IL1RAPL2: variants seen among roughly 807,000 people sequenced by gnomAD.
The protein encoded by IL1RAPL2 is interleukin 1 receptor accessory protein like 2, also known as X-linked interleukin-1 receptor accessory protein-like 2.
In IL1RAPL2, 3 loss-of-function variants were observed where a neutral mutation model predicts 44.1. The observed-to-expected ratio is 0.07, with a 90% CI of 0.03 to 0.18. The LOEUF is 0.18. Ranked by LOEUF, IL1RAPL2 falls within the 10% of genes least tolerant of loss-of-function variation. The pLI is 1.00. For synonymous variants in IL1RAPL2, 181 were observed against 178.8 expected (o/e 1.01, Z -0.10); for missense variants, 391 against 496.4 (o/e 0.79, Z 2.02).
intron 5 of IL1RAPL2, among the ~76,000 whole-genome samples, chrX:105,447,867 A>G (rs2035983933): frequency 1.1e-5 from 1 of 93,695 alleles, no homozygotes; most frequent in Non-Finnish European, 2.0e-5. Flanking sequence ...ATATATAAAT[A>G]TATTATACAT....
intron 2 of IL1RAPL2, among the ~76,000 whole-genome samples, chrX:104,912,158 C>CTTTGT (rs761208158): frequency 0.33 from 33,978 of 102,922 alleles, 5,324 homozygotes; most frequent in Non-Finnish European, 0.44. Context: ...TCTTTTTTTC[C>CTTTGT]TTTGTTTTGT....
chrX:105,501,589 A>G (rs1310025663), intron 6 of IL1RAPL2, among the ~76,000 whole-genome samples: 2 of 111,072 alleles, frequency 1.8e-5, no homozygotes, highest in Non-Finnish European at 3.8e-5. Context: ...GCATCACTGC[A>G]ATCCAGCCTA....
rs1032263511 is a variant in IL1RAPL2 at position 104,830,083 on chromosome X, A to G, written c.82+171088A>G. Among the ~76,000 whole-genome samples the G allele has an allele frequency of 4.5e-5, 5 of 111,768 alleles. 1 individual carries two copies. The East Asian group carries it at 1.1e-3, about 25-fold the overall frequency. On this transcript the variant is annotated intron_variant, in intron 2 of 10. Transcript: ENST00000372582. ...ACTAGGCCTGTCTCCTGATAACAGA[A>G]TGATAGAGGAGATCCTCTACATTTA...
chrX:105,638,531 G>A (rs750140698), intron 6 of IL1RAPL2, among the ~76,000 whole-genome samples: 2 of 111,168 alleles, frequency 1.8e-5, no homozygotes, highest in Non-Finnish European at 1.9e-5. Flanking sequence ...TACCAGGGAC[G>A]GACTCCTTTT....
intron 2 of IL1RAPL2, among the ~76,000 whole-genome samples, chrX:105,064,771 G>A (rs1283216320): frequency 8.9e-6 from 1 of 111,792 alleles, no homozygotes; most frequent in African/African-American, 3.3e-5. Context: ...AGTAGGCTGA[G>A]GAGGAGGAAA....
In IL1RAPL2 at chrX:104,573,321, G is replaced by A. The variant is rs990313181; in HGVS notation, c.-20+6270G>A. Among the ~76,000 whole-genome samples the A allele has an allele frequency of 4.5e-5, 5 of 111,684 alleles. No individual in the cohort carries two copies. The South Asian group carries it at 1.5e-3, about 33-fold the overall frequency. ...ACAATTAAATAAGACTAAAAATTTC[G>A]GTTCCTCAGTCACCTAGCCACATTT... is the stretch of plus-strand genomic sequence containing the variant. On this transcript the variant is annotated intron_variant, in intron 1 of 10. Transcript: ENST00000372582.
chrX:104,718,732 C>T (rs1479090766), intron 2 of IL1RAPL2, among the ~76,000 whole-genome samples: 11 of 111,237 alleles, frequency 9.9e-5, no homozygotes, highest in South Asian at 7.6e-4. Flanking sequence ...AGTGTGAAAA[C>T]GGACTAATAC....
At chrX:104,872,606 A>C (rs1359974450) in intron 2 of IL1RAPL2, among the ~76,000 whole-genome samples, 3 of 111,741 alleles carry the variant, frequency 2.7e-5, no homozygotes, top group African/African-American at 9.7e-5. Flanking sequence ...AGCTACCAGA[A>C]AACCTCTGCT....
chrX:104,848,141 A>T (rs1156332638), intron 2 of IL1RAPL2, among the ~76,000 whole-genome samples: 1 of 110,306 alleles, frequency 9.1e-6, no homozygotes, highest in African/African-American at 3.3e-5. Context: ...ATCTGCAAAC[A>T]GGGACCATTT....
chrX:105,504,263 T>C (rs1226514717), intron 6 of IL1RAPL2, among the ~76,000 whole-genome samples: 2 of 111,972 alleles, frequency 1.8e-5, no homozygotes, highest in African/African-American at 6.5e-5. Context: ...GGAAGTCCTA[T>C]ATAAAAATAG....
At chrX:105,568,209 G>A (rs1182220481) in intron 6 of IL1RAPL2, among the ~76,000 whole-genome samples, 1 of 110,985 alleles carries the variant, frequency 9.0e-6, no homozygotes, top group Non-Finnish European at 1.9e-5. Context: ...TGCTCAGAAA[G>A]AACAGTCTTG....
chrX:104,890,362 G>T (rs1437466946), intron 2 of IL1RAPL2, among the ~76,000 whole-genome samples: 1 of 111,794 alleles, frequency 8.9e-6, no homozygotes, highest in African/African-American at 3.3e-5. Context: ...AGCTCTTTGA[G>T]GAATTGCCAC....
At chrX:104,894,604 A>G (rs1307578601) in intron 2 of IL1RAPL2, among the ~76,000 whole-genome samples, 2 of 111,718 alleles carry the variant, frequency 1.8e-5, no homozygotes, top group Admixed American at 1.9e-4. Context: ...TGCATTCATC[A>G]TGTAGTTCTT....
intron 2 of IL1RAPL2, among the ~76,000 whole-genome samples, chrX:105,055,557 A>T (rs778768626): frequency 8.9e-6 from 1 of 112,115 alleles, no homozygotes; most frequent in Admixed American, 9.5e-5. Flanking sequence ...AATAATGAGG[A>T]ACACAAGAAT....
intron 2 of IL1RAPL2, among the ~76,000 whole-genome samples, chrX:104,859,307 A>G (rs1364857644): frequency 9.0e-6 from 1 of 111,685 alleles, no homozygotes; most frequent in South Asian, 3.7e-4. Flanking sequence ...GGGACATAAA[A>G]CAACCTGAAA....
intron 2 of IL1RAPL2, among the ~76,000 whole-genome samples, chrX:104,848,912 ATAAT>A (rs1922141132): frequency 9.0e-6 from 1 of 111,360 alleles, no homozygotes; most frequent in African/African-American, 3.3e-5. Flanking sequence ...AATGAACCAG[ATAAT>A]TAATGAGTGT....
intron 3 of IL1RAPL2, among the ~76,000 whole-genome samples, chrX:105,230,806 G>A (rs1317126678): frequency 9.0e-6 from 1 of 111,421 alleles, no homozygotes; most frequent in African/African-American, 3.3e-5. Flanking sequence ...ACTCAGAGAG[G>A]TTAAACAATT....
intron 1 of IL1RAPL2, among the ~76,000 whole-genome samples, chrX:104,581,416 TTTTA>T (rs1298142772): frequency 2.8e-4 from 31 of 111,936 alleles, no homozygotes; most frequent in Non-Finnish European, 1.1e-4. Context: ...CTGCAAGGGT[TTTTA>T]TTTGTGTGTG....
Position 104,761,818 on chromosome X carries a change from CCTCCTTCTCCTTCTT to C in IL1RAPL2, c.82+102853_82+102867del, listed in dbSNP as rs1174478870. On this transcript the variant is annotated intron_variant, in intron 2 of 10. Transcript: ENST00000372582. ...AGTCAAATCATCTCCTTCTCTTTCT[CCTCCTTCTCCTTCTT>C]CTCCTTCTCCTTCTTCTCCTTCTCC... Among the ~76,000 whole-genome samples, 555 of 73,552 alleles carry C rather than the reference CCTCCTTCTCCTTCTT, an allele frequency of 7.5e-3. 67 individuals are homozygous for C. The highest frequency in any genetic ancestry group is 0.018 in the Middle Eastern group (3 of 168). The allele number at this position is 73,552 out of a possible 115,157, so 63.9% of individuals were successfully genotyped here.
Sources: gnomAD v4.1 joint callset for allele counts (sites outside exome capture counted in the v4.1 genomes callset) on GRCh38, gnomAD v4.1.1 for gene constraint, MANE v1.5 for transcripts, NCBI Gene and HGNC (gene_info 2026-07-23, HGNC 2026-07-21) for gene names.